The following CSAD variants were observed in gnomAD, a reference collection of about 807,000 sequenced individuals.
CSAD encodes P-selectin cytoplasmic tail-associated protein.
In CSAD, 47 loss-of-function variants were observed where a neutral mutation model predicts 61.5. The ratio of observed to expected loss-of-function variants is 0.76; its 90% CI spans 0.60 to 0.97. CSAD has a LOEUF of 0.97. Ranked by LOEUF, CSAD falls within the 50% of genes least tolerant of loss-of-function variation. CSAD has a pLI of 0.00. For missense variants in CSAD, 611 were observed against 643.6 expected (o/e 0.95, Z 0.55); for synonymous variants, 245 against 252.7 (o/e 0.97, Z 0.29).
In CSAD at chr12:53,165,444, A is replaced by G. The variant is rs550278631; in HGVS notation, c.703-4055T>C. 1.3e-3 allele frequency among the ~76,000 whole-genome samples: 204 copies of G among 152,006 alleles called. 1 individual carries two copies. Among genetic ancestry groups the G allele is most frequent in the African/African-American group, 4.7e-3 (197 of 41,474 alleles). On this transcript the variant is annotated intron_variant, in intron 10 of 16. Coordinates refer to ENST00000444623, the MANE Select transcript of CSAD (RefSeq NM_001244705.2). The stretch of plus-strand genomic sequence containing the variant: ...GGGAGGCCGAGGCGGGTGGATCACA[A>G]GGTTGGGAGATCGAGACCATCCTGG...
At position 53,179,851 on chromosome 12, in the gene CSAD, C is replaced by T. The variant is rs371427667; in HGVS notation, c.-90-709G>A. The T allele has an allele frequency of 1.9e-6, 3 of 1,613,398 alleles. No individual in the cohort carries two copies. The African/African-American group carries it at 4.0e-5, about 22-fold the overall frequency. Reference sequence around the variant, plus strand: ...ATTTGCAGTCCATCTTTAGCAGGACCTCTCTCTAATGGCTAAGGCTAGGCA... The same window carrying T: ...ATTTGCAGTCCATCTTTAGCAGGACTTCTCTCTAATGGCTAAGGCTAGGCA... On this transcript the variant is annotated intron_variant, in intron 1 of 16. Transcript: ENST00000444623.
chr12:53,160,184 T>C lies in CSAD; in HGVS notation c.1102A>G (p.Met368Val). 1 of 1,614,128 alleles carries C rather than the reference T, an allele frequency of 6.2e-7. No homozygotes were observed. The highest frequency in any genetic ancestry group is 8.5e-7 in the Non-Finnish European group (1 of 1,180,032). Reference protein sequence around the residue: ...RRVDCLKLWLMWKAQGDQGLE... With the variant: ...RRVDCLKLWLVWKAQGDQGLE... ...CCTTGATCGCCCTGTGCCTTCCACA[T>C]GAGCCACAGCTTCAGACAGTCCACA... Residue 368 changes from methionine (M) to valine (V), a missense_variant, in exon 14 of 17, where the codon ATG becomes GTG. Physicochemically the swap from Met to Val is conservative, Grantham distance 21. Coordinates refer to ENST00000444623, the MANE Select transcript of CSAD (RefSeq NM_001244705.2).
chr12:53,171,727 G>A (rs1471055775), intron 7 of CSAD, 155 bp downstream of exon 7: 12 of 629,564 alleles, frequency 1.9e-5, no homozygotes, highest in East Asian at 1.1e-4. Context: ...GAGCATGAAG[G>A]GACCAGGCAG....
At chr12:53,167,007 T>C (rs1565659395) in intron 10 of CSAD, among the ~76,000 whole-genome samples, 1 of 152,198 alleles carries the variant, frequency 6.6e-6, no homozygotes, top group Non-Finnish European at 1.5e-5. Flanking sequence ...AGTCAGTTCT[T>C]GTTCATGTAG....
intron 8 of CSAD, chr12:53,170,727 T>C: frequency 1.8e-6 from 1 of 545,262 alleles, no homozygotes; most frequent in South Asian, 2.1e-5. Flanking sequence ...TGTTTGTTTT[T>C]TTTTTTTTTG....
At chr12:53,178,383 T>C (rs551683409) in intron 2 of CSAD, 1 of 455,908 alleles carries the variant, frequency 2.2e-6, no homozygotes, top group Non-Finnish European at 4.4e-6. Context: ...TCCCAACTAC[T>C]TGGGAGGCTA....
At chr12:53,165,965 GA>G (rs1362888321) in intron 10 of CSAD, among the ~76,000 whole-genome samples, 1 of 152,178 alleles carries the variant, frequency 6.6e-6, no homozygotes, top group Non-Finnish European at 1.5e-5. Context: ...CCTTAAAAAG[GA>G]AGAAAATTCT....
chr12:53,172,790 C>A, intron 4 of CSAD, 142 bp from the exon 5 acceptor site: 1 of 975,382 alleles, frequency 1.0e-6, no homozygotes. Context: ...TGAAAATGAA[C>A]AAGAGTAGTG....
chr12:53,169,765 C>A (rs1940336132), intron 10 of CSAD, among the ~76,000 whole-genome samples: 1 of 152,066 alleles, frequency 6.6e-6, no homozygotes, highest in African/African-American at 2.4e-5. Flanking sequence ...CCTGCGCAGA[C>A]CCTCACAGCC....
intron 10 of CSAD, chr12:53,164,344 C>A: frequency 4.7e-6 from 1 of 212,480 alleles, no homozygotes; most frequent in Non-Finnish European, 1.1e-5. Flanking sequence ...TACCCACCAA[C>A]AGTGGATTAG....
At chr12:53,160,691 A>G (rs1939176517) in intron 13 of CSAD, 72 bp downstream of exon 13, 6 of 1,303,754 alleles carry the variant, frequency 4.6e-6, no homozygotes, top group Non-Finnish European at 5.4e-6. Context: ...CCTGAACTTT[A>G]TCTAAGGTGG....
intron 12 of CSAD, 89 bp downstream of exon 12, chr12:53,161,038 C>A: frequency 7.2e-7 from 1 of 1,389,490 alleles, no homozygotes; most frequent in South Asian, 1.2e-5. Context: ...AGCCTCCTAC[C>A]CCAGCCATGT....
Position 53,172,552 on chromosome 12 carries a change from G to C in CSAD, c.223C>G (p.Arg75Gly), listed in dbSNP as rs145064540. ...TTGACACTGTAGCGAATCACAGCCC[G>C]ACACCGCTCCAGGATCTGCTTCTGT... ...ESQKQILERC[R>G]AVIRYSVKTG... is the part of the protein sequence containing the mutation. Residue 75 changes from arginine to glycine, a missense_variant, in exon 5 of 17, where the codon CGG (arginine) becomes GGG (glycine). By Grantham distance (125) the Arg-to-Gly change is moderately radical. Transcript: ENST00000444623. 318 of 1,613,894 alleles carry C rather than the reference G, an allele frequency of 2.0e-4. 9 individuals are homozygous for C. In the Middle Eastern group the frequency reaches 0.017, roughly 86 times the overall value.
chr12:53,176,632 C>T (rs573738315), intron 2 of CSAD, among the ~76,000 whole-genome samples: 67 of 149,836 alleles, frequency 4.5e-4, no homozygotes, highest in Non-Finnish European at 8.7e-4. Context: ...GGCAGGAGAA[C>T]GGCGAGAACC....
In CSAD at chr12:53,179,118, G is replaced by A. The variant is rs1316600887; in HGVS notation, c.-66C>T. 6.6e-6 allele frequency: 1 copy of A among 152,272 alleles called. No homozygotes were observed. Among genetic ancestry groups the A allele is most frequent in the African/African-American group, 2.4e-5 (1 of 41,452 alleles). 9.4% of individuals were successfully genotyped at this position (152,272 alleles called of 1,614,324 possible). A position where few individuals can be genotyped will look rare whatever the true frequency, so the allele number is the denominator to read the frequency against. On this transcript the variant is annotated 5_prime_UTR_variant, in exon 2 of 17. Transcript: ENST00000444623. Reference sequence around the variant, plus strand: ...TCCGCCCACCTCGGCTTCCCAACGTGCTGGGATTACAGGTGTGAGCCACCC... The same window carrying A: ...TCCGCCCACCTCGGCTTCCCAACGTACTGGGATTACAGGTGTGAGCCACCC...
chr12:53,160,103 C>A lies in CSAD; in HGVS notation c.1166+17G>T. ...GGAGAGGGGAACAGGGACGACCCCC[C>A]ACCTCCTCCCGCCTACCGGGCAAGG... On this transcript the variant is annotated intron_variant, in intron 14 of 16. Coordinates refer to ENST00000444623, the MANE Select transcript of CSAD (RefSeq NM_001244705.2). 2 of 1,612,064 alleles carry A rather than the reference C, an allele frequency of 1.2e-6. No homozygotes were observed. The highest frequency in any genetic ancestry group is 1.7e-6 in the Non-Finnish European group (2 of 1,179,802).
At chr12:53,181,041 C>T (rs895614654), upstream of CSAD, 13 of 881,056 alleles carry the variant, frequency 1.5e-5, no homozygotes, top group South Asian at 3.0e-4. Context: ...GCGTCCCCGG[C>T]CCGGGAGAGG....
chr12:53,180,933 G>T, upstream of CSAD: 1 of 1,009,378 alleles, frequency 9.9e-7, no homozygotes, highest in Non-Finnish European at 1.2e-6. Flanking sequence ...AAGGGGGAGG[G>T]GAGGGGAGGA....
intron 10 of CSAD, among the ~76,000 whole-genome samples, chr12:53,162,593 T>C (rs1939415608): frequency 6.6e-6 from 1 of 151,954 alleles, no homozygotes; most frequent in African/African-American, 2.4e-5. Context: ...ATTTGAATAG[T>C]ACAAAAGTTT....
Sources: gnomAD v4.1 joint callset for allele counts (sites outside exome capture counted in the v4.1 genomes callset) on GRCh38, gnomAD v4.1.1 for gene constraint, MANE v1.5 for transcripts, NCBI Gene and HGNC (gene_info 2026-07-23, HGNC 2026-07-21) for gene names.